ANKFN1: variants seen among roughly 807,000 people sequenced by gnomAD.
The protein encoded by ANKFN1 is ankyrin repeat and fibronectin type-III domain-containing protein 1.
A neutral mutation model predicts 108.7 loss-of-function variants in ANKFN1; 74 were observed. The observed-to-expected ratio is 0.68, with a 90% CI of 0.56 to 0.83. ANKFN1 has a LOEUF of 0.83. Ranked by LOEUF, ANKFN1 falls within the 40% of genes least tolerant of loss-of-function variation. The pLI, the probability that ANKFN1 is intolerant of heterozygous loss-of-function variation, is 0.00. For synonymous variants in ANKFN1, 547 were observed against 516.2 expected (o/e 1.06, Z -0.81); for missense variants, 1,505 against 1,382.3 (o/e 1.09, Z -1.41).
At position 56,350,963 on chromosome 17, in the gene ANKFN1, C is replaced by T. The variant is rs199650832; in HGVS notation, c.386C>T (p.Ser129Leu). The T allele has an allele frequency of 6.2e-6, 10 of 1,613,064 alleles. No homozygotes were observed. The East Asian group carries it at 8.9e-5, about 14-fold the overall frequency. ...RTDRLSLRKT[S>L]VNFQGNEAMF... The stretch of plus-strand genomic sequence containing the variant: ...GATCGGCTGAGTCTCAGGAAGACCT[C>T]GGTGGTAACAAAACTGTTTTTATTC... Residue 129 changes from serine to leucine, a missense_variant, in exon 5 of 21, where the codon TCG becomes TTG. Ser to Leu is a moderately radical substitution (Grantham distance 145). Transcript: ENST00000682825.
At chr17:56,463,035 G>A (rs1299173900) in intron 14 of ANKFN1, among the ~76,000 whole-genome samples, 1 of 152,166 alleles carries the variant, frequency 6.6e-6, no homozygotes, top group East Asian at 1.9e-4. Flanking sequence ...ATCAAGCACT[G>A]TGCAATTTGC....
At position 56,119,660 on chromosome 17, in the gene ANKFN1, G is replaced by C. The variant is rs55758028; in HGVS notation, c.288+73335G>C. Among the ~76,000 whole-genome samples, 3 of 152,264 alleles carry C rather than the reference G, an allele frequency of 2.0e-5. No homozygotes were observed. The East Asian group carries it at 5.8e-4, about 29-fold the overall frequency. ...GAATTAAGTGAAGTATGAAAGTAAT[G>C]ATTTATGTTCCAAGTTCAATTATAC... On this transcript the variant is annotated intron_variant, in intron 4 of 12. Transcript: ENST00000635860.
At chr17:56,391,940 T>C (rs796152567) in intron 8 of ANKFN1, among the ~76,000 whole-genome samples, 17 of 152,304 alleles carry the variant, frequency 1.1e-4, no homozygotes, top group African/African-American at 4.1e-4. Context: ...AACAATTTAG[T>C]GACAGCTATT....
chr17:56,049,547 C>T (rs1395767787), intron 4 of ANKFN1, among the ~76,000 whole-genome samples: 2 of 151,874 alleles, frequency 1.3e-5, no homozygotes, highest in East Asian at 1.9e-4. Context: ...CCCCTTCCCC[C>T]GACCCCACCA....
chr17:56,445,506 C>G (rs1000215656), intron 10 of ANKFN1, among the ~76,000 whole-genome samples: 3 of 152,204 alleles, frequency 2.0e-5, no homozygotes, highest in African/African-American at 7.2e-5. Context: ...GTAGGGATAA[C>G]TGGCAAAGAA....
intron 8 of ANKFN1, among the ~76,000 whole-genome samples, chr17:56,395,536 A>T (rs762053626): frequency 6.6e-6 from 1 of 152,190 alleles, no homozygotes; most frequent in Non-Finnish European, 1.5e-5. Context: ...GACCAATGGA[A>T]AAACCAATAT....
upstream of ANKFN1, among the ~76,000 whole-genome samples, chr17:56,152,484 A>G (rs1908718819): frequency 1.3e-5 from 2 of 152,076 alleles, no homozygotes; most frequent in South Asian, 4.1e-4. Flanking sequence ...ATTTTTAAAA[A>G]AGCAATTAGA....
chr17:56,160,251 T>G (rs989112211), intron 1 of ANKFN1, among the ~76,000 whole-genome samples: 3 of 152,118 alleles, frequency 2.0e-5, no homozygotes, highest in African/African-American at 7.2e-5. Context: ...ACTTTCAGAA[T>G]GAATAAAAAA....
intron 1 of ANKFN1, among the ~76,000 whole-genome samples, chr17:56,173,236 C>G (rs569865919): frequency 1.3e-5 from 2 of 152,334 alleles, no homozygotes; most frequent in African/African-American, 4.8e-5. Context: ...CTCTTGGGCT[C>G]TGCCACTTTG....
rs931517834 is a variant in ANKFN1 at position 56,353,240 on chromosome 17, C to T, written c.391-596C>T. On this transcript the variant is annotated intron_variant, in intron 5 of 20. Coordinates refer to ENST00000682825, the MANE Select transcript of ANKFN1 (RefSeq NM_001370326.1). ...TTCTTCATAGAACATCTCTTAATTA[C>T]TTTTTTTTTTTTTTTAAGAGCGTCT... Among the ~76,000 whole-genome samples the T allele has an allele frequency of 4.9e-5, 7 of 143,246 alleles. No individual in the cohort carries two copies. In the South Asian group the frequency reaches 1.3e-3, roughly 28 times the overall value. The allele number at this position is 143,246 out of a possible 152,430, so 94.0% of individuals were successfully genotyped here.
At chr17:56,505,419 A>T (rs1266060993) in intron 20 of ANKFN1, among the ~76,000 whole-genome samples, 5 of 152,250 alleles carry the variant, frequency 3.3e-5, no homozygotes, top group African/African-American at 1.2e-4. Context: ...GACACAGTGT[A>T]GTTGGGAGGT....
chr17:56,242,031 C>A (rs552218030), intron 3 of ANKFN1, among the ~76,000 whole-genome samples: 1 of 125,386 alleles, frequency 8.0e-6, no homozygotes, highest in South Asian at 2.4e-4. Context: ...TTATTTATTT[C>A]TGGAATTTTT....
chr17:56,386,394 C>T (rs1276414446), intron 8 of ANKFN1, among the ~76,000 whole-genome samples: 2 of 151,774 alleles, frequency 1.3e-5, no homozygotes, highest in Non-Finnish European at 2.9e-5. Flanking sequence ...ATGGGTGCAG[C>T]ACACCAGCAT....
At chr17:56,085,477 C>G (rs749591531) in intron 4 of ANKFN1, among the ~76,000 whole-genome samples, 1 of 150,994 alleles carries the variant, frequency 6.6e-6, no homozygotes, top group Non-Finnish European at 1.5e-5. Flanking sequence ...TCCTCTGGAG[C>G]CTTCTGAGAG....
intron 14 of ANKFN1, among the ~76,000 whole-genome samples, chr17:56,466,081 T>C (rs948945895): frequency 6.6e-6 from 1 of 152,232 alleles, no homozygotes; most frequent in Non-Finnish European, 1.5e-5. Flanking sequence ...TATGTACAGA[T>C]ACTGAATTTG....
chr17:56,453,304 C>T (rs2049558608), intron 11 of ANKFN1, among the ~76,000 whole-genome samples: 1 of 151,958 alleles, frequency 6.6e-6, no homozygotes, highest in African/African-American at 2.4e-5. Flanking sequence ...TTACTGTTTA[C>T]ATTATAATGA....
intron 4 of ANKFN1, among the ~76,000 whole-genome samples, chr17:56,342,690 A>G (rs986770897): frequency 7.2e-5 from 11 of 151,854 alleles, no homozygotes; most frequent in African/African-American, 2.2e-4. Context: ...TTCTGCATTT[A>G]CTAAGGAGTG....
intron 8 of ANKFN1, among the ~76,000 whole-genome samples, chr17:56,382,664 G>A (rs1037399767): frequency 2.6e-5 from 4 of 152,116 alleles, no homozygotes; most frequent in Admixed American, 6.6e-5. Context: ...ACAAAAAAAG[G>A]CAGGTGTTGC....
intron 3 of ANKFN1, among the ~76,000 whole-genome samples, chr17:56,267,500 G>T (rs1478255940): frequency 6.6e-6 from 1 of 152,120 alleles, no homozygotes; most frequent in Admixed American, 6.5e-5. Context: ...CCTCTGTTCA[G>T]AATAGTATTT....
Sources: allele counts gnomAD v4.1 joint callset (sites outside exome capture counted in the v4.1 genomes callset), GRCh38; gene constraint gnomAD v4.1.1; transcripts MANE v1.5; gene names NCBI Gene and HGNC (gene_info 2026-07-23, HGNC 2026-07-21).